The following GPR158 variants were observed in gnomAD, a reference collection of about 807,000 sequenced individuals.
The protein encoded by GPR158 is metabotropic glycine receptor.
In GPR158, 30 loss-of-function variants were observed where a neutral mutation model predicts 78.2. The ratio of observed to expected loss-of-function variants is 0.38; its 90% CI spans 0.29 to 0.52. The LOEUF is 0.52. Ranked by LOEUF, GPR158 falls within the 20% of genes least tolerant of loss-of-function variation. The probability of loss-of-function intolerance (pLI) is 0.83; values close to 1 mark genes in which losing one functional copy is unlikely to be tolerated. For missense variants in GPR158, 1,463 were observed against 1,523.5 expected, an observed-to-expected ratio of 0.96 and a Z score of 0.66; for synonymous variants, 581 against 591.1, an observed-to-expected ratio of 0.98 and a Z score of 0.25.
Position 25,371,033 on chromosome 10 carries a change from C to A in GPR158, c.1009-24878C>A, listed in dbSNP as rs1270091336. 2.0e-5 allele frequency among the ~76,000 whole-genome samples: 3 copies of A among 146,662 alleles called. No individual in the cohort carries two copies. In the East Asian group the frequency reaches 5.9e-4, roughly 29 times the overall value. Reference sequence around the variant, plus strand: ...TTCCATTGGCTTGGTAGATCTTCCTCCATCCTTTTATTTTGAGCCTATGTG... The same window carrying A: ...TTCCATTGGCTTGGTAGATCTTCCTACATCCTTTTATTTTGAGCCTATGTG... On this transcript the variant is annotated intron_variant, in intron 2 of 10. Coordinates refer to ENST00000376351, the MANE Select transcript of GPR158 (RefSeq NM_020752.3).
intron 2 of GPR158, among the ~76,000 whole-genome samples, chr10:25,386,736 G>C (rs1339401981): frequency 6.6e-6 from 1 of 151,954 alleles, no homozygotes; most frequent in Non-Finnish European, 1.5e-5. Flanking sequence ...TATTGTAAAT[G>C]AGACTGTTTC....
intron 2 of GPR158, among the ~76,000 whole-genome samples, chr10:25,345,909 A>G (rs1156344890): frequency 2.0e-5 from 3 of 151,916 alleles, no homozygotes; most frequent in Non-Finnish European, 4.4e-5. Context: ...GGGGGTGGGG[A>G]AGAGCAAGTG....
chr10:25,434,484 T>C (rs1834970118), intron 4 of GPR158, among the ~76,000 whole-genome samples: 1 of 152,210 alleles, frequency 6.6e-6, no homozygotes, highest in African/African-American at 2.4e-5. Context: ...TTTCCAAATT[T>C]CTAGAATTTT....
chr10:25,262,401 C>G (rs1853978934), intron 2 of GPR158, among the ~76,000 whole-genome samples: 1 of 152,024 alleles, frequency 6.6e-6, no homozygotes, highest in African/African-American at 2.4e-5. Context: ...GGAAGACATT[C>G]TGTAACTTCT....
At chr10:25,223,265 A>G (rs542428271) in intron 2 of GPR158, among the ~76,000 whole-genome samples, 1 of 152,316 alleles carries the variant, frequency 6.6e-6, no homozygotes, top group East Asian at 1.9e-4. Flanking sequence ...AAAACAATGG[A>G]TCTACAGAGT....
At chr10:25,381,672 G>A (rs757175442) in intron 2 of GPR158, among the ~76,000 whole-genome samples, 1 of 152,270 alleles carries the variant, frequency 6.6e-6, no homozygotes, top group Non-Finnish European at 1.5e-5. Flanking sequence ...TTTGCTCAAA[G>A]GCAGTTGAAG....
intron 2 of GPR158, among the ~76,000 whole-genome samples, chr10:25,338,564 G>GTATATTATTATATATAATAAATATTATA (rs1554795033): frequency 7.7e-6 from 1 of 130,532 alleles, no homozygotes. Context: ...AATACGTATT[G>GTATATTATTATATATAATAAATATTATA]TATATTATTA....
intron 2 of GPR158, among the ~76,000 whole-genome samples, chr10:25,291,268 T>C (rs544493872): frequency 1.3e-5 from 2 of 152,086 alleles, no homozygotes; most frequent in African/African-American, 2.4e-5. Context: ...TGAGGTAATA[T>C]AAAAAATATG....
At chr10:25,206,707 C>A (rs1286800213) in intron 1 of GPR158, among the ~76,000 whole-genome samples, 3 of 151,970 alleles carry the variant, frequency 2.0e-5, no homozygotes, top group African/African-American at 7.3e-5. Context: ...TAGCACTATT[C>A]TTACTGGCTG....
At chr10:25,544,366 T>C (rs146293521) in intron 5 of GPR158, among the ~76,000 whole-genome samples, 17 of 152,298 alleles carry the variant, frequency 1.1e-4, no homozygotes, top group African/African-American at 3.8e-4. Flanking sequence ...TATGGGTTCT[T>C]GTTTAAAAAT....
At chr10:25,425,490 T>C (rs1311074070) in intron 4 of GPR158, among the ~76,000 whole-genome samples, 2 of 151,988 alleles carry the variant, frequency 1.3e-5, no homozygotes, top group Admixed American at 1.3e-4. Flanking sequence ...GAGAGTTGTC[T>C]ATTCATGTCC....
At chr10:25,517,283 G>A (rs1241113939) in intron 5 of GPR158, among the ~76,000 whole-genome samples, 1 of 151,326 alleles carries the variant, frequency 6.6e-6, no homozygotes. Context: ...TGAGACAATG[G>A]GGTTTTCTAG....
intron 4 of GPR158, among the ~76,000 whole-genome samples, chr10:25,465,746 A>G (rs942969834): frequency 2.6e-5 from 4 of 152,158 alleles, no homozygotes; most frequent in Non-Finnish European, 5.9e-5. Flanking sequence ...TTTTTTACCC[A>G]CCAACACTAT....
At position 25,221,289 on chromosome 10, in the gene GPR158, A is replaced by G. The variant is rs1352033491; in HGVS notation, c.1008+132A>G. 3 of 521,260 alleles carry G rather than the reference A, an allele frequency of 5.8e-6. No individual in the cohort carries two copies. The East Asian group carries it at 9.4e-5, about 16-fold the overall frequency. The allele number at this position is 521,260 out of a possible 1,614,324, so 32.3% of individuals were successfully genotyped here. The stretch of plus-strand genomic sequence containing the variant: ...TCTATGTAGGTCTCAGTGCTGCCAA[A>G]TGAACTAAAATAGGAGTAGAAAATA... On this transcript the variant is annotated intron_variant, in intron 2 of 10. Coordinates refer to ENST00000376351, the MANE Select transcript of GPR158 (RefSeq NM_020752.3).
At chr10:25,436,526 C>A (rs747707603) in intron 4 of GPR158, among the ~76,000 whole-genome samples, 3 of 152,184 alleles carry the variant, frequency 2.0e-5, no homozygotes, top group Non-Finnish European at 4.4e-5. Context: ...AAGTAGAATG[C>A]AAGTCCTTTG....
chr10:25,475,260 G>C (rs889349565), intron 5 of GPR158, among the ~76,000 whole-genome samples: 7 of 152,022 alleles, frequency 4.6e-5, no homozygotes, highest in African/African-American at 1.7e-4. Context: ...TAATATGCTT[G>C]TAAGGAAAAA....
At chr10:25,310,219 G>A (rs575347025) in intron 2 of GPR158, among the ~76,000 whole-genome samples, 4 of 152,192 alleles carry the variant, frequency 2.6e-5, no homozygotes, top group Middle Eastern at 3.4e-3. Context: ...ATACGTAAAG[G>A]TTCATATCTG....
chr10:25,366,496 C>G (rs1341835124), intron 2 of GPR158, among the ~76,000 whole-genome samples: 1 of 151,588 alleles, frequency 6.6e-6, no homozygotes, highest in African/African-American at 2.4e-5. Context: ...TTGATCTGTG[C>G]ACACATTGTG....
intron 2 of GPR158, among the ~76,000 whole-genome samples, chr10:25,373,336 G>A (rs1416462590): frequency 2.6e-5 from 4 of 151,824 alleles, no homozygotes; most frequent in South Asian, 4.1e-4. Flanking sequence ...AAAACTGTTC[G>A]GTACTAGGCT....
Sources: allele counts gnomAD v4.1 joint callset (sites outside exome capture counted in the v4.1 genomes callset), GRCh38; gene constraint gnomAD v4.1.1; transcripts MANE v1.5; gene names NCBI Gene and HGNC (gene_info 2026-07-23, HGNC 2026-07-21).